The following DNAH14 variants were observed in gnomAD, a reference collection of about 807,000 sequenced individuals.
DNAH14 encodes axonemal beta dynein heavy chain 14.
Under a neutral mutation model 520.9 loss-of-function variants are expected in DNAH14, and 478 were observed. That is an observed-to-expected ratio of 0.92 (90% confidence interval 0.85 to 0.99). The LOEUF is 0.99. DNAH14 is among the 50% of genes least tolerant of loss of function. The pLI, the probability that DNAH14 is intolerant of heterozygous loss-of-function variation, is 0.00. For synonymous variants in DNAH14, 1,581 were observed against 1,757.2 expected, an observed-to-expected ratio of 0.90 and a Z score of 2.51; for missense variants, 4,831 against 5,234.5, an observed-to-expected ratio of 0.92 and a Z score of 2.38.
Position 225,237,256 on chromosome 1 carries a change from AT to A in DNAH14, c.6519-3327del, listed in dbSNP as rs977394166. On this transcript the variant is annotated intron_variant, in intron 42 of 85. Transcript: ENST00000682510. ...GCATTTTTATGGAGGCTCATAAAGG[AT>A]TTTTTTTTTCTAGATTTAGTGCTTC... 4.4e-4 allele frequency among the ~76,000 whole-genome samples: 66 copies of A among 150,292 alleles called. 1 individual carries two copies. The highest frequency in any genetic ancestry group is 9.0e-4 in the African/African-American group (37 of 40,986).
At chr1:224,967,400 A>C in intron 5 of DNAH14, 31 bp from the exon 6 acceptor site, 1 of 1,473,428 alleles carries the variant, frequency 6.8e-7, no homozygotes, top group Non-Finnish European at 9.1e-7. Flanking sequence ...AAATTAATTA[A>C]ATTTGTTTAT....
intron 29 of DNAH14, 123 bp from the exon 30 acceptor site, chr1:225,145,203 A>G: frequency 1.5e-5 from 9 of 600,422 alleles, no homozygotes; most frequent in Non-Finnish European, 2.2e-5. Flanking sequence ...TTTGATTTTT[A>G]ATTCATCTCC....
At chr1:225,118,536 C>T (rs1447083198) in intron 25 of DNAH14, among the ~76,000 whole-genome samples, 4 of 152,198 alleles carry the variant, frequency 2.6e-5, no homozygotes, top group Admixed American at 6.5e-5. Flanking sequence ...AAATGCTGTG[C>T]CCAACCCTTC....
rs966619225 is a variant in DNAH14, at chr1:225,340,336, C to A, written c.10434-121C>A. 1.4e-5 allele frequency: 15 copies of A among 1,064,592 alleles called. No individual in the cohort carries two copies. The African/African-American group carries it at 2.1e-4, about 15-fold the overall frequency. 65.9% of individuals were successfully genotyped at this position (1,064,592 alleles called of 1,614,324 possible). On this transcript the variant is annotated intron_variant, in intron 68 of 85. Transcript: ENST00000682510. Reference sequence around the variant, plus strand: ...TTGAAAGTGTACTTTGTATACAAAGCTGAAAAACACTAAAAATCTTGTGTA... The same window carrying A: ...TTGAAAGTGTACTTTGTATACAAAGATGAAAAACACTAAAAATCTTGTGTA...
At chr1:225,197,632 G>A (rs536498034) in intron 38 of DNAH14, among the ~76,000 whole-genome samples, 2 of 152,052 alleles carry the variant, frequency 1.3e-5, no homozygotes, top group Non-Finnish European at 2.9e-5. Flanking sequence ...TGCTTTTTTG[G>A]CAGTATGGTC....
At chr1:225,355,833 C>A (rs1029573054) in intron 73 of DNAH14, among the ~76,000 whole-genome samples, 1 of 152,080 alleles carries the variant, frequency 6.6e-6, no homozygotes, top group Non-Finnish European at 1.5e-5. Context: ...ACTATCATCC[C>A]CATCCATTTC....
chr1:225,046,974 C>T (rs571124820), intron 15 of DNAH14, among the ~76,000 whole-genome samples: 11 of 152,206 alleles, frequency 7.2e-5, no homozygotes, highest in African/African-American at 1.2e-4. Flanking sequence ...TGTATTTTCT[C>T]TGCCCCAGCC....
At chr1:225,017,288 G>A (rs2065288257) in intron 10 of DNAH14, among the ~76,000 whole-genome samples, 1 of 152,196 alleles carries the variant, frequency 6.6e-6, no homozygotes, top group Non-Finnish European at 1.5e-5. Flanking sequence ...TTTGTCTAAT[G>A]TTTAAATACA....
intron 10 of DNAH14, among the ~76,000 whole-genome samples, chr1:225,023,030 G>A (rs1352259112): frequency 6.6e-6 from 1 of 152,140 alleles, no homozygotes; most frequent in African/African-American, 2.4e-5. Flanking sequence ...ATAAGTGGGA[G>A]ATAAACATAG....
chr1:224,945,501 T>A (rs2059741997), intron 1 of DNAH14, among the ~76,000 whole-genome samples: 1 of 152,232 alleles, frequency 6.6e-6, no homozygotes, highest in Admixed American at 6.5e-5. Context: ...GTCAAAGTCA[T>A]TCTCCGTCCA....
intron 17 of DNAH14, among the ~76,000 whole-genome samples, chr1:225,069,795 C>G (rs1271527592): frequency 6.6e-6 from 1 of 152,136 alleles, no homozygotes; most frequent in East Asian, 1.9e-4. Context: ...ACCAGCCCTT[C>G]TTTGTTCATC....
chr1:224,982,105 T>C (rs1410215336), intron 8 of DNAH14, among the ~76,000 whole-genome samples: 1 of 152,174 alleles, frequency 6.6e-6, no homozygotes, highest in Non-Finnish European at 1.5e-5. Context: ...ACTAGGGATA[T>C]TGCCCCCTAC....
intron 17 of DNAH14, among the ~76,000 whole-genome samples, chr1:225,052,230 C>G (rs1437605441): frequency 6.6e-6 from 1 of 152,130 alleles, no homozygotes; most frequent in Non-Finnish European, 1.5e-5. Flanking sequence ...GGGCTGACCT[C>G]TTTAAGCAAG....
At chr1:225,001,494 A>G (rs1363411028) in intron 8 of DNAH14, among the ~76,000 whole-genome samples, 1 of 152,092 alleles carries the variant, frequency 6.6e-6, no homozygotes, top group East Asian at 1.9e-4. Context: ...TCCTTATAAT[A>G]CTTATGCTTG....
intron 71 of DNAH14, among the ~76,000 whole-genome samples, chr1:225,350,415 A>C (rs1246691707): frequency 1.3e-5 from 2 of 152,090 alleles, no homozygotes; most frequent in Non-Finnish European, 2.9e-5. Context: ...ATAAAGACTA[A>C]AGCAGTGATA....
At position 225,232,280 on chromosome 1, in the gene DNAH14, TAC is replaced by T. The variant is rs139079665; in HGVS notation, c.6518+1148_6518+1149del. On this transcript the variant is annotated intron_variant, in intron 42 of 85. Coordinates refer to ENST00000682510, the MANE Select transcript of DNAH14 (RefSeq NM_001367479.1). The surrounding 1 kb of genome is among the most constrained non-coding windows in gnomAD (Gnocchi z 4.2). ...ATATATAAACTGTGATATATATATA[TAC>T]ACACACACACACACACACGTGTATC... Among the ~76,000 whole-genome samples, 96 of 149,490 alleles carry T rather than the reference TAC, an allele frequency of 6.4e-4. No homozygotes were observed. The highest frequency in any genetic ancestry group is 1.3e-3 in the African/African-American group (51 of 40,774).
At chr1:225,054,374 C>T (rs1239852779) in intron 17 of DNAH14, among the ~76,000 whole-genome samples, 1 of 152,024 alleles carries the variant, frequency 6.6e-6, no homozygotes, top group Non-Finnish European at 1.5e-5. Context: ...TTATCTGTGA[C>T]CAGAAAAGTC....
chr1:225,193,017 A>C, intron 38 of DNAH14, 106 bp downstream of exon 38: 1 of 870,486 alleles, frequency 1.1e-6, no homozygotes, highest in South Asian at 2.5e-5. Flanking sequence ...TTAGTGTAAA[A>C]GTAAATTTTA....
intron 41 of DNAH14, among the ~76,000 whole-genome samples, chr1:225,219,110 A>T (rs888388829): frequency 1.3e-5 from 2 of 151,466 alleles, no homozygotes; most frequent in African/African-American, 2.4e-5. Context: ...CTAAGTTTTT[A>T]AAATGAATGA....
Sources: allele counts gnomAD v4.1 joint callset (sites outside exome capture counted in the v4.1 genomes callset), GRCh38; gene constraint gnomAD v4.1.1; non-coding constraint Gnocchi (gnomAD v3.1); transcripts MANE v1.5; gene names NCBI Gene and HGNC (gene_info 2026-07-23, HGNC 2026-07-21).